The following RC3H1 variants were observed in gnomAD, a reference collection of about 807,000 sequenced individuals.
RC3H1 encodes the protein ring finger and CCCH-type domains 1.
RC3H1 carries 50 observed loss-of-function variants against 138.2 expected under a neutral mutation model. That is an observed-to-expected ratio of 0.36 (90% CI 0.29 to 0.46). RC3H1 has a LOEUF of 0.46. Among genes scored for constraint, RC3H1 ranks in the 20% least tolerant of loss-of-function variants. RC3H1 has a pLI of 1.00. For synonymous variants in RC3H1, 462 were observed against 489.1 expected (o/e 0.94, Z 0.73); for missense variants, 1,031 against 1,388.1 (o/e 0.74, Z 4.09).
chr1:173,938,595 T>C lies in RC3H1; in HGVS notation c.*126A>G. 2 of 606,830 alleles carry C rather than the reference T, an allele frequency of 3.3e-6. No individual in the cohort carries two copies. Among genetic ancestry groups the C allele is most frequent in the Non-Finnish European group, 2.8e-6 (1 of 362,400 alleles). The allele number at this position is 606,830 out of a possible 1,614,324, so 37.6% of individuals were successfully genotyped here. ...AGTAGTGGTGTTTGTGCACATTGCC[T>C]CTGGTGAATTTCCTGGATTTCTCTG... On this transcript the variant is annotated 3_prime_UTR_variant, in exon 20 of 20. Transcript: ENST00000367696.
At chr1:174,019,257 C>T (rs923539753) in intron 1 of RC3H1, among the ~76,000 whole-genome samples, 1 of 152,098 alleles carries the variant, frequency 6.6e-6, no homozygotes, top group African/African-American at 2.4e-5. Context: ...CTTGGTCTTA[C>T]AAGTAGATAT....
chr1:173,977,989 G>C (rs1660655899), intron 7 of RC3H1, among the ~76,000 whole-genome samples: 1 of 152,216 alleles, frequency 6.6e-6, no homozygotes, highest in Non-Finnish European at 1.5e-5. Context: ...TAACTTAGAT[G>C]TAAGTGCAAG....
At chr1:174,014,333 T>G (rs961497880) in intron 1 of RC3H1, among the ~76,000 whole-genome samples, 4 of 152,150 alleles carry the variant, frequency 2.6e-5, no homozygotes, top group African/African-American at 9.7e-5. Flanking sequence ...TGTATTTTTT[T>G]GAGCAATTTT....
chr1:173,982,342 C>A (rs888417055), intron 5 of RC3H1, among the ~76,000 whole-genome samples: 1 of 152,112 alleles, frequency 6.6e-6, no homozygotes, highest in Non-Finnish European at 1.5e-5. Flanking sequence ...TCATGCACTG[C>A]ACTCCAGCCT....
chr1:173,984,753 A>C (rs1660956291), intron 2 of RC3H1, 134 bp from the exon 3 acceptor site: 2 of 865,254 alleles, frequency 2.3e-6, no homozygotes, highest in South Asian at 4.1e-5. Context: ...CTTTCAAAAG[A>C]TCTTTCCTAT....
chr1:173,961,777 C>T lies in RC3H1; in HGVS notation c.2150G>A (p.Ser717Asn). Residue 717 changes from serine (S) to asparagine (N), a missense_variant, in exon 12 of 20, where the codon AGT (serine) becomes AAT (asparagine). By Grantham distance (46) the Ser-to-Asn change is conservative. Transcript: ENST00000367696. ...ESRERYQQIE[S>N]YYPVAPHPTQ... The stretch of plus-strand genomic sequence containing the variant: ...TGGATGAGGAGCCACTGGATAGTAA[C>T]TCTCGATCTGTTGGTATCTTTCTCT... The T allele has an allele frequency of 6.2e-7, 1 of 1,613,078 alleles. No individual in the cohort carries two copies. The highest frequency in any genetic ancestry group is 8.5e-7 in the Non-Finnish European group (1 of 1,180,012).
chr1:173,995,929 A>G (rs542921880), intron 1 of RC3H1, among the ~76,000 whole-genome samples: 2 of 152,364 alleles, frequency 1.3e-5, no homozygotes, highest in South Asian at 2.1e-4. Context: ...GGTATTTATA[A>G]TAAGATTTAA....
chr1:173,953,121 T>C (rs549177368), intron 13 of RC3H1, among the ~76,000 whole-genome samples: 2 of 152,302 alleles, frequency 1.3e-5, no homozygotes, highest in East Asian at 1.9e-4. Context: ...ATATCACTCA[T>C]TGTCAATCAC....
chr1:174,000,314 T>C (rs897847570), intron 1 of RC3H1, among the ~76,000 whole-genome samples: 29 of 152,190 alleles, frequency 1.9e-4, no homozygotes, highest in African/African-American at 6.8e-4. Flanking sequence ...ATATGACACA[T>C]TTATTACCAT....
At chr1:173,961,007 G>C in intron 13 of RC3H1, 70 bp downstream of exon 13, 1 of 1,464,094 alleles carries the variant, frequency 6.8e-7, no homozygotes, top group Admixed American at 2.0e-5. Context: ...ATTGGGAATA[G>C]GCAAAGATGA....
chr1:173,984,381 C>G, intron 3 of RC3H1, 118 bp downstream of exon 3: 1 of 850,784 alleles, frequency 1.2e-6, no homozygotes, highest in Non-Finnish European at 1.7e-6. Context: ...TGGATAATTG[C>G]ATCAAATTTA....
chr1:173,963,918 G>A (rs923674434), intron 11 of RC3H1, 55 bp downstream of exon 11: 5 of 1,426,110 alleles, frequency 3.5e-6, no homozygotes, highest in Non-Finnish European at 2.9e-6. Flanking sequence ...CTGACCTGAA[G>A]AACAGTTCTG....
rs1658485457 is a variant in RC3H1 at position 173,934,076 on chromosome 1, T to C, written c.*4645A>G. ...ACAGGTGCTTTTTACAGATAGATTT[T>C]ACAAATAAAACCTTTACTCAATTAT... is the stretch of plus-strand genomic sequence containing the variant. On this transcript the variant is annotated 3_prime_UTR_variant, in exon 20 of 20. Coordinates refer to ENST00000367696, the MANE Select transcript of RC3H1 (RefSeq NM_172071.4). The C allele has an allele frequency of 6.6e-6, 1 of 152,198 alleles. No individual in the cohort carries two copies. Among genetic ancestry groups the C allele is most frequent in the Non-Finnish European group, 1.5e-5 (1 of 68,022 alleles). 9.4% of individuals were successfully genotyped at this position (152,198 alleles called of 1,614,324 possible). A position where few individuals can be genotyped will look rare whatever the true frequency, so the allele number is the denominator to read the frequency against.
chr1:174,018,054 A>G (rs1661895161), intron 1 of RC3H1, among the ~76,000 whole-genome samples: 1 of 152,064 alleles, frequency 6.6e-6, no homozygotes, highest in Non-Finnish European at 1.5e-5. Flanking sequence ...TAAAAATAAT[A>G]AAAATTAAAA....
At chr1:174,017,810 A>T (rs1337426930) in intron 1 of RC3H1, among the ~76,000 whole-genome samples, 1 of 146,126 alleles carries the variant, frequency 6.8e-6, no homozygotes, top group East Asian at 2.0e-4. Flanking sequence ...AAAAAAAAAA[A>T]CTGCTACCAT....
At chr1:173,975,714 A>G (rs1468711060) in intron 7 of RC3H1, among the ~76,000 whole-genome samples, 1 of 68,048 alleles carries the variant, frequency 1.5e-5, no homozygotes, top group Admixed American at 1.1e-4. Flanking sequence ...CTGGCTAACA[A>G]GGTGAAACCC....
Position 173,932,282 on chromosome 1 carries a change from A to AAT in RC3H1, c.*6437_*6438dup, listed in dbSNP as rs759165601. 5 of 152,168 alleles carry AAT rather than the reference A, an allele frequency of 3.3e-5. No homozygotes were observed. The highest frequency in any genetic ancestry group is 7.4e-5 in the Non-Finnish European group (5 of 67,996). 9.4% of individuals were successfully genotyped at this position (152,168 alleles called of 1,614,324 possible). ...AATAAAATCCACCCAAAAAGGTGAT[A>AAT]ATGACTGCAGAATGTCTCGGGGAGA... On this transcript the variant is annotated 3_prime_UTR_variant, in exon 20 of 20. Coordinates refer to ENST00000367696, the MANE Select transcript of RC3H1 (RefSeq NM_172071.4).
chr1:173,946,913 T>C, intron 15 of RC3H1, 77 bp from the exon 16 acceptor site: 3 of 977,318 alleles, frequency 3.1e-6, no homozygotes, highest in Non-Finnish European at 4.9e-6. Context: ...CTGAAAGACA[T>C]CAGCGTATTG....
intron 1 of RC3H1, among the ~76,000 whole-genome samples, chr1:174,003,941 A>G (rs1173934367): frequency 5.9e-5 from 9 of 151,616 alleles, no homozygotes; most frequent in Non-Finnish European, 1.3e-4. Context: ...GATTACAGGC[A>G]TAAGCCACTG....
Sources: gnomAD v4.1 joint callset for allele counts (sites outside exome capture counted in the v4.1 genomes callset) on GRCh38, gnomAD v4.1.1 for gene constraint, MANE v1.5 for transcripts, NCBI Gene and HGNC (gene_info 2026-07-23, HGNC 2026-07-21) for gene names.